The following SHOC1 variants were observed in gnomAD, a reference collection of about 807,000 sequenced individuals.
SHOC1 encodes the protein shortage in chiasmata 1.
A neutral mutation model predicts 179.2 loss-of-function variants in SHOC1; 136 were observed. The ratio of observed to expected loss-of-function variants is 0.76; its 90% CI spans 0.66 to 0.87. The LOEUF (loss-of-function observed/expected upper bound fraction) is 0.87, where lower values mean the gene tolerates loss of function less well. Among genes scored for constraint, SHOC1 ranks in the 40% least tolerant of loss-of-function variants. The pLI is 0.00. For synonymous variants in SHOC1, 489 were observed against 586.6 expected (o/e 0.83, Z 2.41); for missense variants, 1,538 against 1,700.8 (o/e 0.90, Z 1.68).
intron 16 of SHOC1, among the ~76,000 whole-genome samples, chr9:111,715,263 C>T (rs1832731930): frequency 6.6e-6 from 1 of 152,092 alleles, no homozygotes; most frequent in African/African-American, 2.4e-5. Context: ...ACCAGAGCAC[C>T]TGGCATGGTA....
At chr9:111,687,196 C>A (rs1417631367) in intron 27 of SHOC1, among the ~76,000 whole-genome samples, 1 of 152,082 alleles carries the variant, frequency 6.6e-6, no homozygotes, top group Non-Finnish European at 1.5e-5. Flanking sequence ...GATCCACCTG[C>A]CTCGGCCTCC....
chr9:111,752,781 T>A (rs1403514048), intron 8 of SHOC1, among the ~76,000 whole-genome samples: 1 of 152,148 alleles, frequency 6.6e-6, no homozygotes, highest in East Asian at 1.9e-4. Context: ...CAAATGGAAA[T>A]TTTAAAACAA....
intron 16 of SHOC1, among the ~76,000 whole-genome samples, chr9:111,717,540 C>T (rs1832847704): frequency 6.8e-6 from 1 of 147,126 alleles, no homozygotes; most frequent in South Asian, 2.1e-4. Flanking sequence ...TTGCAGGTTG[C>T]AGTGAGATCA....
At chr9:111,786,264 C>T (rs1446203696) in intron 2 of SHOC1, among the ~76,000 whole-genome samples, 1 of 152,102 alleles carries the variant, frequency 6.6e-6, no homozygotes, top group Admixed American at 6.6e-5. Flanking sequence ...GAAACCCCAT[C>T]TCTACTAAAA....
chr9:111,771,684 C>T (rs761552484), intron 5 of SHOC1, among the ~76,000 whole-genome samples: 2 of 152,044 alleles, frequency 1.3e-5, no homozygotes, highest in Non-Finnish European at 2.9e-5. Flanking sequence ...TTGCTGGATA[C>T]AGTGTTCTTA....
intron 3 of SHOC1, among the ~76,000 whole-genome samples, chr9:111,785,296 T>G (rs1324249720): frequency 2.0e-5 from 3 of 152,222 alleles, no homozygotes; most frequent in Non-Finnish European, 2.9e-5. Context: ...TTACTGTCTC[T>G]TCTCTATACA....
At chr9:111,769,975 G>GGTTTT (rs1835502881) in intron 5 of SHOC1, among the ~76,000 whole-genome samples, 2 of 87,806 alleles carry the variant, frequency 2.3e-5, no homozygotes, top group African/African-American at 5.3e-5. Context: ...TTTATCTTCT[G>GGTTTT]TTTTTTTTTT....
intron 8 of SHOC1, among the ~76,000 whole-genome samples, chr9:111,753,772 A>G (rs546857130): frequency 7.2e-5 from 11 of 152,294 alleles, no homozygotes; most frequent in Non-Finnish European, 1.5e-4. Context: ...CTTTCATGAT[A>G]AAAACTCTCA....
At chr9:111,745,569 TG>T (rs566434597) in intron 10 of SHOC1, among the ~76,000 whole-genome samples, 6 of 152,086 alleles carry the variant, frequency 3.9e-5, no homozygotes, top group Non-Finnish European at 8.8e-5. Context: ...AACAGGAGAT[TG>T]GGGTATAGAC....
At chr9:111,701,459 C>T (rs1274832363) in intron 23 of SHOC1, among the ~76,000 whole-genome samples, 1 of 151,904 alleles carries the variant, frequency 6.6e-6, no homozygotes, top group African/African-American at 2.4e-5. Context: ...TTTTATTCTC[C>T]CTTGTACCTC....
chr9:111,714,413 A>G, intron 17 of SHOC1, 32 bp downstream of exon 17: 3 of 1,604,498 alleles, frequency 1.9e-6, no homozygotes, highest in Non-Finnish European at 2.6e-6. Flanking sequence ...ACTTAAACTG[A>G]TTATTTTACC....
chr9:111,687,879 G>C (rs1831249595), intron 27 of SHOC1, among the ~76,000 whole-genome samples: 1 of 151,632 alleles, frequency 6.6e-6, no homozygotes, highest in Non-Finnish European at 1.5e-5. Flanking sequence ...TTTCACTAAG[G>C]ACATATTTCG....
chr9:111,783,836 T>C (rs962808703), intron 3 of SHOC1, among the ~76,000 whole-genome samples: 9 of 152,186 alleles, frequency 5.9e-5, no homozygotes, highest in Non-Finnish European at 1.2e-4. Flanking sequence ...CTAGGATTCA[T>C]TGTGAACTGG....
chr9:111,754,789 T>C (rs1834780081), intron 8 of SHOC1, among the ~76,000 whole-genome samples: 1 of 152,230 alleles, frequency 6.6e-6, no homozygotes, highest in South Asian at 2.1e-4. Flanking sequence ...AATGAAGTAC[T>C]GATACGTTGG....
intron 10 of SHOC1, among the ~76,000 whole-genome samples, chr9:111,744,271 G>T (rs1834164860): frequency 6.6e-6 from 1 of 152,118 alleles, no homozygotes; most frequent in Non-Finnish European, 1.5e-5. Context: ...TAAATATCTT[G>T]TACCTTATCA....
At chr9:111,747,605 CAG>C (rs1245852807) in intron 9 of SHOC1, among the ~76,000 whole-genome samples, 3 of 151,988 alleles carry the variant, frequency 2.0e-5, no homozygotes, top group African/African-American at 7.2e-5. Context: ...TGTTTTGAGA[CAG>C]AGTCTAGCTG....
chr9:111,749,992 C>G (rs1262110100), intron 8 of SHOC1, among the ~76,000 whole-genome samples: 3 of 152,148 alleles, frequency 2.0e-5, no homozygotes. Flanking sequence ...CATACACATG[C>G]ATCTATCTTT....
chr9:111,765,703 T>G (rs562706635), intron 5 of SHOC1, among the ~76,000 whole-genome samples: 1 of 152,304 alleles, frequency 6.6e-6, no homozygotes, highest in South Asian at 2.1e-4. Flanking sequence ...AATATGCCTA[T>G]TAAAATTTAC....
intron 15 of SHOC1, 110 bp downstream of exon 15, chr9:111,722,299 G>A (rs1036498383): frequency 2.4e-5 from 23 of 956,112 alleles, no homozygotes; most frequent in Middle Eastern, 6.5e-4. Context: ...TTACAGTCAT[G>A]CCACCATCTA....
Sources: gnomAD v4.1 joint callset for allele counts (sites outside exome capture counted in the v4.1 genomes callset) on GRCh38, gnomAD v4.1.1 for gene constraint, MANE v1.5 for transcripts, NCBI Gene and HGNC (gene_info 2026-07-23, HGNC 2026-07-21) for gene names.